Variants in IL1RAPL1 observed in about 807,000 individuals in gnomAD.
IL1RAPL1 encodes interleukin 1 receptor accessory protein like 1, also known as interleukin-1 receptor accessory protein-like 1.
Under a neutral mutation model 48.4 loss-of-function variants are expected in IL1RAPL1, and 3 were observed. The ratio of observed to expected loss-of-function variants is 0.06; its 90% CI spans 0.03 to 0.16. IL1RAPL1 has a LOEUF of 0.16. IL1RAPL1 is among the 10% of genes least tolerant of loss of function. The pLI, the probability that IL1RAPL1 is intolerant of heterozygous loss-of-function variation, is 1.00. For missense variants in IL1RAPL1, 349 were observed against 530.6 expected, an observed-to-expected ratio of 0.66 and a Z score of 3.36; for synonymous variants, 185 against 187.7, an observed-to-expected ratio of 0.99 and a Z score of 0.12.
Position 29,746,409 on chromosome X carries a change from G to A in IL1RAPL1, c.778+77905G>A, listed in dbSNP as rs1338252798. Among the ~76,000 whole-genome samples the A allele has an allele frequency of 2.7e-5, 3 of 111,337 alleles. 1 individual carries two copies. The highest frequency in any genetic ancestry group is 2.8e-4 in the East Asian group (1 of 3,578). ...AATTTTCTGAATGAGTCATTTCTTT[G>A]CAATAAAAAGAATTTTTCTCTCTAC... On this transcript the variant is annotated intron_variant, in intron 6 of 10. Transcript: ENST00000378993.
At chrX:29,820,251 A>C (rs749126054) in intron 6 of IL1RAPL1, among the ~76,000 whole-genome samples, 145 of 110,558 alleles carry the variant, frequency 1.3e-3, no homozygotes, top group African/African-American at 4.7e-3. Flanking sequence ...ATATCATATG[A>C]AAGAGATGAT....
intron 5 of IL1RAPL1, among the ~76,000 whole-genome samples, chrX:29,640,972 C>T (rs1303898743): frequency 9.2e-6 from 1 of 108,534 alleles, no homozygotes; most frequent in Non-Finnish European, 1.9e-5. Context: ...TGAGATGAGC[C>T]TGGGTCACAA....
intron 2 of IL1RAPL1, among the ~76,000 whole-genome samples, chrX:28,858,595 T>C (rs1397547149): frequency 8.9e-6 from 1 of 112,509 alleles, no homozygotes; most frequent in Non-Finnish European, 1.9e-5. Flanking sequence ...AATGTACTTT[T>C]AAAATTAAGT....
intron 8 of IL1RAPL1, among the ~76,000 whole-genome samples, chrX:29,928,671 G>A (rs143975179): frequency 0.016 from 1,769 of 111,979 alleles, 37 homozygotes; most frequent in African/African-American, 0.054. Context: ...CACCATCCTG[G>A]AGCATTAAAA....
At chrX:29,741,173 G>A (rs1928187118) in intron 6 of IL1RAPL1, among the ~76,000 whole-genome samples, 1 of 112,445 alleles carries the variant, frequency 8.9e-6, no homozygotes, top group South Asian at 3.6e-4. Context: ...ATGACATTTG[G>A]CAATTGTAAA....
At position 29,025,065 on chromosome X, in the gene IL1RAPL1, G is replaced by C. The variant is rs142508082; in HGVS notation, c.82+235640G>C. Reference sequence around the variant, plus strand: ...TCATATAAATGAAATTATGCAACATGTGGTTTTTGTGGCTGGCTTCTTTCA... The same window carrying C: ...TCATATAAATGAAATTATGCAACATCTGGTTTTTGTGGCTGGCTTCTTTCA... On this transcript the variant is annotated intron_variant, in intron 2 of 10. Transcript: ENST00000378993. 5.2e-3 allele frequency among the ~76,000 whole-genome samples: 582 copies of C among 111,774 alleles called. 3 individuals are homozygous for C. Among genetic ancestry groups the C allele is most frequent in the African/African-American group, 0.018 (562 of 30,786 alleles).
chrX:29,019,868 C>G (rs755012053), intron 2 of IL1RAPL1, among the ~76,000 whole-genome samples: 36 of 112,077 alleles, frequency 3.2e-4, no homozygotes, highest in African/African-American at 1.2e-3. Flanking sequence ...GACTGTAGTT[C>G]AAAAAGGCCA....
chrX:28,789,301 T>G lies in IL1RAPL1; in HGVS notation c.-24-19T>G, dbSNP rs769467685. On this transcript the variant is annotated intron_variant, in intron 1 of 10. Transcript: ENST00000378993. The stretch of plus-strand genomic sequence containing the variant: ...TTTTAAAACATGTATGTTTTTCTTC[T>G]TTTTAATCTTTGCTTTAGGGAACGG... The G allele has an allele frequency of 4.1e-6, 4 of 986,606 alleles. No homozygotes were observed. The African/African-American group carries it at 7.5e-5, about 19-fold the overall frequency. 81.3% of individuals were successfully genotyped at this position (986,606 alleles called of 1,213,427 possible).
At chrX:28,851,698 A>G (rs1335678712) in intron 2 of IL1RAPL1, among the ~76,000 whole-genome samples, 1 of 111,683 alleles carries the variant, frequency 9.0e-6, no homozygotes, top group Non-Finnish European at 1.9e-5. Flanking sequence ...CTTTATTGTT[A>G]TTAAGTAGAG....
chrX:29,088,202 C>G (rs1927996622), intron 2 of IL1RAPL1, among the ~76,000 whole-genome samples: 1 of 111,946 alleles, frequency 8.9e-6, no homozygotes, highest in African/African-American at 3.2e-5. Flanking sequence ...AAGGTTGTGG[C>G]AATTATCAAA....
At chrX:28,643,686 C>G (rs1934574487) in intron 1 of IL1RAPL1, among the ~76,000 whole-genome samples, 1 of 111,719 alleles carries the variant, frequency 9.0e-6, no homozygotes, top group Admixed American at 9.5e-5. Flanking sequence ...ATTCAACACA[C>G]TAGTAATAAA....
chrX:28,937,092 T>A, intron 2 of IL1RAPL1, among the ~76,000 whole-genome samples: 1 of 111,619 alleles, frequency 9.0e-6, no homozygotes, highest in East Asian at 2.8e-4. Flanking sequence ...ATTGCCAGTT[T>A]ACCTTTTTAT....
intron 2 of IL1RAPL1, among the ~76,000 whole-genome samples, chrX:28,798,547 G>A (rs1936639841): frequency 9.0e-6 from 1 of 111,572 alleles, no homozygotes; most frequent in African/African-American, 3.3e-5. Context: ...AATTGGAAAC[G>A]TACCTTTTGC....
intron 5 of IL1RAPL1, among the ~76,000 whole-genome samples, chrX:29,449,279 T>A (rs1230726706): frequency 9.0e-6 from 1 of 111,149 alleles, no homozygotes; most frequent in African/African-American, 3.3e-5. Flanking sequence ...TCTTAACTCA[T>A]TCTCTGAGTT....
intron 1 of IL1RAPL1, among the ~76,000 whole-genome samples, chrX:28,668,394 T>G (rs112604957): frequency 0.084 from 9,364 of 111,422 alleles, 942 homozygotes; most frequent in African/African-American, 0.28. Flanking sequence ...GAGTAGCTGG[T>G]ATTACAGGCA....
chrX:29,615,805 A>T (rs982384821), intron 5 of IL1RAPL1, among the ~76,000 whole-genome samples: 5 of 112,370 alleles, frequency 4.4e-5, no homozygotes, highest in Non-Finnish European at 5.6e-5. Context: ...ATATGTATCT[A>T]TTTTTGTTTC....
At chrX:28,867,473 TC>T (rs1283227048) in intron 2 of IL1RAPL1, among the ~76,000 whole-genome samples, 1 of 111,897 alleles carries the variant, frequency 8.9e-6, no homozygotes, top group East Asian at 2.8e-4. Context: ...CCTGCAGACA[TC>T]TCTAATGGGA....
intron 2 of IL1RAPL1, among the ~76,000 whole-genome samples, chrX:29,045,706 C>T (rs1441798082): frequency 9.0e-6 from 1 of 111,515 alleles, no homozygotes; most frequent in Non-Finnish European, 1.9e-5. Context: ...GGCATATAGG[C>T]AGGCATGAGC....
intron 2 of IL1RAPL1, among the ~76,000 whole-genome samples, chrX:29,030,586 G>A (rs1028579590): frequency 5.4e-5 from 6 of 111,300 alleles, no homozygotes; most frequent in African/African-American, 2.0e-4. Flanking sequence ...TGGCAAGGAT[G>A]GGGTAAAAAG....
Sources: gnomAD v4.1 joint callset for allele counts (sites outside exome capture counted in the v4.1 genomes callset) on GRCh38, gnomAD v4.1.1 for gene constraint, MANE v1.5 for transcripts, NCBI Gene and HGNC (gene_info 2026-07-23, HGNC 2026-07-21) for gene names.